The following MAMDC2 variants were observed in gnomAD, a reference collection of about 807,000 sequenced individuals.
The protein encoded by MAMDC2 is MAM domain containing 2, also known as MAM domain-containing protein 2.
A neutral mutation model predicts 89.8 loss-of-function variants in MAMDC2; 57 were observed. That is an observed-to-expected ratio of 0.63 (90% confidence interval 0.51 to 0.79). The LOEUF (loss-of-function observed/expected upper bound fraction) is 0.79, where lower values mean the gene tolerates loss of function less well. Among genes scored for constraint, MAMDC2 ranks in the 30% least tolerant of loss-of-function variants. The pLI is 0.00. For missense variants in MAMDC2, 800 were observed against 820.6 expected (o/e 0.97, Z 0.31); for synonymous variants, 313 against 293.4 (o/e 1.07, Z -0.68).
chr9:70,066,847 A>G (rs1827277687), intron 2 of MAMDC2, among the ~76,000 whole-genome samples: 1 of 152,238 alleles, frequency 6.6e-6, no homozygotes, highest in Non-Finnish European at 1.5e-5. Context: ...GAATAAAGCC[A>G]ATGGGATTTG....
At chr9:70,211,452 C>G (rs1399355971) in intron 11 of MAMDC2, among the ~76,000 whole-genome samples, 1 of 152,212 alleles carries the variant, frequency 6.6e-6, no homozygotes, top group African/African-American at 2.4e-5. Context: ...TCACATAGTT[C>G]TCTTGCCATG....
chr9:70,207,481 AT>A (rs1354023342), intron 11 of MAMDC2, among the ~76,000 whole-genome samples: 3 of 150,574 alleles, frequency 2.0e-5, no homozygotes, highest in Non-Finnish European at 4.4e-5. Flanking sequence ...GGGCTGTTTG[AT>A]TTTTTTCTTG....
chr9:70,087,973 C>G (rs12686383), intron 2 of MAMDC2, among the ~76,000 whole-genome samples: 18,698 of 152,036 alleles, frequency 0.12, 1,272 homozygotes, highest in East Asian at 0.21. Context: ...TTTTAAAAGG[C>G]ATAGAATTTA....
At chr9:70,169,527 A>T (rs2032270006) in intron 10 of MAMDC2, 1 of 152,252 alleles carries the variant, frequency 6.6e-6, no homozygotes, top group South Asian at 2.1e-4. Flanking sequence ...AGGCACTGCA[A>T]GGACAACCCA....
At chr9:70,180,171 T>A (rs554144274) in intron 11 of MAMDC2, among the ~76,000 whole-genome samples, 1 of 152,206 alleles carries the variant, frequency 6.6e-6, no homozygotes, top group African/African-American at 2.4e-5. Context: ...GCTTCATCCA[T>A]GTCCCTCCAA....
chr9:70,220,349 G>A (rs1036965633), intron 12 of MAMDC2, among the ~76,000 whole-genome samples: 20 of 152,092 alleles, frequency 1.3e-4, no homozygotes, highest in African/African-American at 3.4e-4. Flanking sequence ...ATGCAGAATC[G>A]CCCTGGAGAC....
chr9:70,149,472 G>T (rs554680096), intron 9 of MAMDC2, among the ~76,000 whole-genome samples: 1 of 152,262 alleles, frequency 6.6e-6, no homozygotes, highest in Admixed American at 6.5e-5. Context: ...GCCTTTCAGA[G>T]TTGTCCTGTT....
At chr9:70,112,759 A>C (rs3015222) in intron 4 of MAMDC2, among the ~76,000 whole-genome samples, 4,947 of 152,278 alleles carry the variant, frequency 0.032, 228 homozygotes, top group African/African-American at 0.11. Context: ...TCCAAGTGAC[A>C]TGGCTAATAA....
chr9:70,073,800 A>C (rs1432334967), intron 2 of MAMDC2, among the ~76,000 whole-genome samples: 1 of 152,160 alleles, frequency 6.6e-6, no homozygotes, highest in East Asian at 1.9e-4. Flanking sequence ...TTCTCTCATC[A>C]TTCCAGTCCT....
At chr9:70,089,706 G>A (rs1379162019) in intron 2 of MAMDC2, among the ~76,000 whole-genome samples, 1 of 152,158 alleles carries the variant, frequency 6.6e-6, no homozygotes, top group Non-Finnish European at 1.5e-5. Context: ...TTTTATTTCA[G>A]GCTAGCTTTA....
At chr9:70,196,213 C>G (rs752435877) in intron 11 of MAMDC2, among the ~76,000 whole-genome samples, 37 of 152,190 alleles carry the variant, frequency 2.4e-4, no homozygotes, top group Non-Finnish European at 2.4e-4. Flanking sequence ...CCACCTTTGG[C>G]ACATGGGGAT....
In MAMDC2 at chr9:70,159,710, G is replaced by A. The variant is rs954964757; in HGVS notation, c.1405-8992G>A. Among the ~76,000 whole-genome samples the A allele has an allele frequency of 5.9e-5, 9 of 152,300 alleles. 1 individual carries two copies. In the South Asian group the frequency reaches 1.0e-3, roughly 18 times the overall value. On this transcript the variant is annotated intron_variant, in intron 9 of 13. Coordinates refer to ENST00000377182, the MANE Select transcript of MAMDC2 (RefSeq NM_153267.5). ...CTGACGTTTTTGTAACTCCAAGTGA[G>A]CCACAACAATGACTCCAATTATAAT...
intron 2 of MAMDC2, among the ~76,000 whole-genome samples, chr9:70,046,151 T>C (rs558481437): frequency 2.0e-5 from 3 of 152,294 alleles, no homozygotes; most frequent in African/African-American, 7.2e-5. Flanking sequence ...AATCACCTGG[T>C]GGGCTTGTAA....
At chr9:70,115,291 A>G (rs2029919880) in intron 5 of MAMDC2, among the ~76,000 whole-genome samples, 1 of 152,000 alleles carries the variant, frequency 6.6e-6, no homozygotes, top group South Asian at 2.1e-4. Flanking sequence ...AGAAATTGAG[A>G]TAAGACAAAA....
At chr9:70,083,170 G>A (rs1827692945) in intron 2 of MAMDC2, among the ~76,000 whole-genome samples, 1 of 152,160 alleles carries the variant, frequency 6.6e-6, no homozygotes, top group South Asian at 2.1e-4. Context: ...GAAGGCAGCA[G>A]TGGCTGCTAT....
At chr9:70,048,984 A>G (rs1338141474) in intron 2 of MAMDC2, among the ~76,000 whole-genome samples, 1 of 152,242 alleles carries the variant, frequency 6.6e-6, no homozygotes, top group Non-Finnish European at 1.5e-5. Flanking sequence ...TGGAACACTC[A>G]GCTACCTGGA....
intron 11 of MAMDC2, among the ~76,000 whole-genome samples, chr9:70,189,715 CAT>C (rs2032838344): frequency 6.6e-6 from 1 of 151,948 alleles, no homozygotes; most frequent in African/African-American, 2.4e-5. Flanking sequence ...TTCCACTATG[CAT>C]ATGTTGGTAC....
intron 11 of MAMDC2, among the ~76,000 whole-genome samples, chr9:70,186,774 T>C (rs781308157): frequency 3.3e-5 from 5 of 152,158 alleles, no homozygotes; most frequent in Non-Finnish European, 5.9e-5. Flanking sequence ...CTCAGGAAGA[T>C]TTTACTTGTA....
chr9:70,096,904 T>C (rs1828042420), intron 2 of MAMDC2, among the ~76,000 whole-genome samples: 1 of 152,164 alleles, frequency 6.6e-6, no homozygotes, highest in South Asian at 2.1e-4. Flanking sequence ...CATGCGATTT[T>C]ATAAATAAGG....
Sources: allele counts gnomAD v4.1 joint callset (sites outside exome capture counted in the v4.1 genomes callset), GRCh38; gene constraint gnomAD v4.1.1; transcripts MANE v1.5; gene names NCBI Gene and HGNC (gene_info 2026-07-23, HGNC 2026-07-21).